PTPRE: variants seen among roughly 807,000 people sequenced by gnomAD.
PTPRE encodes the protein protein tyrosine phosphatase receptor type E, also known as receptor-type tyrosine-protein phosphatase epsilon.
In PTPRE, 51 loss-of-function variants were observed where a neutral mutation model predicts 102.0. The ratio of observed to expected loss-of-function variants is 0.50; its 90% CI spans 0.40 to 0.63. The LOEUF (loss-of-function observed/expected upper bound fraction) is 0.63, where lower values mean the gene tolerates loss of function less well. Among genes scored for constraint, PTPRE ranks in the 30% least tolerant of loss-of-function variants. PTPRE has a pLI of 0.00. For missense variants in PTPRE, 752 were observed against 915.1 expected, an observed-to-expected ratio of 0.82 and a Z score of 2.30; for synonymous variants, 345 against 348.2, an observed-to-expected ratio of 0.99 and a Z score of 0.10.
At chr10:127,910,458 G>C (rs778477173) in intron 1 of PTPRE, among the ~76,000 whole-genome samples, 18 of 152,158 alleles carry the variant, frequency 1.2e-4, no homozygotes, top group Non-Finnish European at 2.2e-4. Flanking sequence ...GCACTTACTG[G>C]ACTTGACTTT....
chr10:127,943,380 C>G (rs976697543), intron 1 of PTPRE, among the ~76,000 whole-genome samples: 2 of 152,164 alleles, frequency 1.3e-5, no homozygotes, highest in African/African-American at 4.8e-5. Context: ...TAATCCTCTC[C>G]TAGAGTGTCT....
At position 127,907,301 on chromosome 10, in the gene PTPRE, C is replaced by T. The variant is rs1002628601; in HGVS notation, c.-39C>T. The T allele has an allele frequency of 2.0e-6, 2 of 984,600 alleles. No individual in the cohort carries two copies. The highest frequency in any genetic ancestry group is 1.8e-5 in the African/African-American group (1 of 57,134). 61.0% of individuals were successfully genotyped at this position (984,600 alleles called of 1,614,324 possible). On this transcript the variant is annotated 5_prime_UTR_variant, in exon 1 of 21. Coordinates refer to ENST00000254667, the MANE Select transcript of PTPRE (RefSeq NM_006504.6). This position sits in a 1 kb window ranked among gnomAD's most constrained non-coding sequence, Gnocchi z 4.8. ...GCGCGATCTGCGCGACCAGACCGGC[C>T]CCCCCGAGGTGAGCGCGCGTGCGGA...
Position 128,062,961 on chromosome 10 carries a change from C to T in PTPRE, c.626-122C>T, listed in dbSNP as rs1849741051. 4 of 1,485,330 alleles carry T rather than the reference C, an allele frequency of 2.7e-6. No individual in the cohort carries two copies. In the African/African-American group the frequency reaches 4.2e-5, roughly 16 times the overall value. 92.0% of individuals were successfully genotyped at this position (1,485,330 alleles called of 1,614,324 possible). A position where few individuals can be genotyped will look rare whatever the true frequency, so the allele number is the denominator to read the frequency against. Reference sequence around the variant, plus strand: ...GCTTCAGGGCATGACGTGTGTGTCCCCAACAAGCCTGAGAAGGGAGTGAAC... The same window carrying T: ...GCTTCAGGGCATGACGTGTGTGTCCTCAACAAGCCTGAGAAGGGAGTGAAC... On this transcript the variant is annotated intron_variant, in intron 9 of 20. Coordinates refer to ENST00000254667, the MANE Select transcript of PTPRE (RefSeq NM_006504.6).
intron 3 of PTPRE, 100 bp downstream of exon 3, chr10:128,041,090 G>A (rs1223082036): frequency 9.0e-6 from 9 of 1,001,850 alleles, no homozygotes; most frequent in Non-Finnish European, 1.2e-5. Context: ...GAGAAGAATG[G>A]TGTGGCTGAA....
intron 3 of PTPRE, 88 bp from the exon 4 acceptor site, chr10:128,047,302 T>G: frequency 3.3e-6 from 5 of 1,495,678 alleles, no homozygotes; most frequent in Non-Finnish European, 4.5e-6. Context: ...GGGGTTCTGG[T>G]GTCCAGGAAG....
At chr10:127,924,372 C>T (rs1029466723) in intron 1 of PTPRE, among the ~76,000 whole-genome samples, 30 of 152,010 alleles carry the variant, frequency 2.0e-4, no homozygotes, top group African/African-American at 7.0e-4. Flanking sequence ...ACTACAGGCG[C>T]CCACCACCGT....
At chr10:128,066,728 A>G (rs1371709650) in intron 11 of PTPRE, among the ~76,000 whole-genome samples, 1 of 152,268 alleles carries the variant, frequency 6.6e-6, no homozygotes. Flanking sequence ...CCATTTTGTC[A>G]GGATTTAAAG....
At chr10:128,020,463 C>CA (rs1023370540) in intron 2 of PTPRE, among the ~76,000 whole-genome samples, 1 of 151,928 alleles carries the variant, frequency 6.6e-6, no homozygotes, top group Non-Finnish European at 1.5e-5. Context: ...GATATTTCAA[C>CA]AAAAAAACAA....
chr10:128,055,124 C>T (rs1345655331), intron 6 of PTPRE, among the ~76,000 whole-genome samples: 1 of 152,190 alleles, frequency 6.6e-6, no homozygotes, highest in Non-Finnish European at 1.5e-5. Context: ...CACTGAGACA[C>T]TCAGTGCATA....
chr10:127,942,938 C>G (rs1848353849), intron 1 of PTPRE, among the ~76,000 whole-genome samples: 2 of 152,204 alleles, frequency 1.3e-5, no homozygotes, highest in East Asian at 3.8e-4. Flanking sequence ...AGGGCCGCAT[C>G]TGTTATCATA....
chr10:127,990,890 A>G (rs1252808076), intron 2 of PTPRE, among the ~76,000 whole-genome samples: 1 of 152,220 alleles, frequency 6.6e-6, no homozygotes, highest in African/African-American at 2.4e-5. Flanking sequence ...TGTTGCTTCT[A>G]TTCAGGAAGG....
chr10:127,933,135 G>A (rs934025124), intron 1 of PTPRE, among the ~76,000 whole-genome samples: 4 of 152,154 alleles, frequency 2.6e-5, no homozygotes, highest in African/African-American at 9.7e-5. Flanking sequence ...ACAGTCAGCC[G>A]TTTAGCAAAC....
intron 2 of PTPRE, among the ~76,000 whole-genome samples, chr10:127,989,786 CAGT>C (rs1852449960): frequency 6.6e-6 from 1 of 152,206 alleles, no homozygotes; most frequent in Admixed American, 6.5e-5. Flanking sequence ...TATTTTGGAA[CAGT>C]TTTATGATCA....
At chr10:128,077,289 GC>G (rs927938792) in intron 18 of PTPRE, among the ~76,000 whole-genome samples, 3 of 152,222 alleles carry the variant, frequency 2.0e-5, no homozygotes, top group Non-Finnish European at 4.4e-5. Context: ...GAAATGCAGG[GC>G]CCTGGTTTCT....
At chr10:128,034,517 C>G (rs879521043) in intron 2 of PTPRE, among the ~76,000 whole-genome samples, 1 of 151,798 alleles carries the variant, frequency 6.6e-6, no homozygotes, top group Admixed American at 6.6e-5. Context: ...TAGTGAGACC[C>G]CCCCCATCTT....
intron 3 of PTPRE, among the ~76,000 whole-genome samples, chr10:128,044,949 T>A (rs1003189889): frequency 2.0e-5 from 3 of 152,252 alleles, no homozygotes; most frequent in Non-Finnish European, 4.4e-5. Flanking sequence ...TGGGAAGAAC[T>A]AGGCACTGTG....
intron 20 of PTPRE, 22 bp downstream of exon 20, chr10:128,079,717 T>C (rs766446363): frequency 1.2e-6 from 2 of 1,600,880 alleles, no homozygotes; most frequent in African/African-American, 1.3e-5. Context: ...AATAAGGATG[T>C]TACCAGAAGA....
chr10:127,950,384 C>T (rs1350193799), intron 1 of PTPRE, among the ~76,000 whole-genome samples: 1 of 152,012 alleles, frequency 6.6e-6, no homozygotes, highest in African/African-American at 2.4e-5. Flanking sequence ...GTTGGAGATG[C>T]CTGATCTCCT....
intron 1 of PTPRE, among the ~76,000 whole-genome samples, chr10:127,961,629 G>A (rs961821346): frequency 6.8e-6 from 1 of 147,206 alleles, no homozygotes; most frequent in African/African-American, 2.6e-5. Context: ...GTGCATAAGC[G>A]CTCCACCCCC....
Sources: allele counts gnomAD v4.1 joint callset (sites outside exome capture counted in the v4.1 genomes callset), GRCh38; gene constraint gnomAD v4.1.1; non-coding constraint Gnocchi (gnomAD v3.1); transcripts MANE v1.5; gene names NCBI Gene and HGNC (gene_info 2026-07-23, HGNC 2026-07-21).